The following NPHP4 variants were observed in gnomAD, a reference collection of about 807,000 sequenced individuals.
NPHP4 encodes the protein nephrocystin 4.
Under a neutral mutation model 155.8 loss-of-function variants are expected in NPHP4, and 151 were observed. The observed-to-expected ratio is 0.97, with a 90% confidence interval of 0.85 to 1.11. The LOEUF is 1.11. NPHP4 is among the 50% of genes least tolerant of loss of function. NPHP4 has a pLI of 0.00. For missense variants in NPHP4, 1,956 were observed against 1,925.7 expected (o/e 1.02, Z -0.29); for synonymous variants, 845 against 816.8 (o/e 1.03, Z -0.59).
rs183885357 is a variant in NPHP4, at chr1:5,875,036, C to T, written c.2882G>A (p.Arg961His). The change falls in exon 21 of 30, where the codon CGC (arginine) becomes CAC (histidine). Residue 961 changes from arginine to histidine, a missense_variant. Transcript: ENST00000378156. ...DLQVIAAYRE[R>H]TKAESIASLL... The stretch of plus-strand genomic sequence containing the variant: ...GCTGGCGATGCTCTCGGCCTTCGTG[C>T]GTTCCCGGTAGGCGGCGATGACCTG... 5,415 of 1,609,654 alleles carry T rather than the reference C, an allele frequency of 3.4e-3. 14 individuals carry two copies. Among genetic ancestry groups the T allele is most frequent in the Non-Finnish European group, 4.1e-3 (4,823 of 1,179,832 alleles).
At chr1:5,981,145 C>T (rs1280997341) in intron 2 of NPHP4, among the ~76,000 whole-genome samples, 1 of 152,176 alleles carries the variant, frequency 6.6e-6, no homozygotes, top group Non-Finnish European at 1.5e-5. Context: ...CCTGGGTTCC[C>T]CCAGCACCGC....
chr1:5,924,201 G>T (rs1200701554), intron 11 of NPHP4, among the ~76,000 whole-genome samples: 1 of 152,128 alleles, frequency 6.6e-6, no homozygotes, highest in Non-Finnish European at 1.5e-5. Context: ...ACAGCAAAAG[G>T]AGGTTATGAA....
chr1:5,922,903 C>T (rs1339647788), intron 11 of NPHP4, among the ~76,000 whole-genome samples: 2 of 152,130 alleles, frequency 1.3e-5, no homozygotes, highest in African/African-American at 2.4e-5. Context: ...GAGGCTGAGG[C>T]GGGTGGATTG....
rs1640987228 is a variant in NPHP4, at chr1:5,864,490, G to A, written c.3844C>T (p.Pro1282Ser). 2 of 1,591,912 alleles carry A rather than the reference G, an allele frequency of 1.3e-6. No individual in the cohort carries two copies. The highest frequency in any genetic ancestry group is 1.1e-5 in the South Asian group (1 of 88,326). The part of the protein sequence containing the change: ...KTDPKGVFVL[P>S]PRGVQDLHVG... Reference sequence around the variant, plus strand: ...TGCAGGTCCTGCACCCCACGAGGCGGCAGCACGAAGACACCTTTGGGGTCT... The same window carrying A: ...TGCAGGTCCTGCACCCCACGAGGCGACAGCACGAAGACACCTTTGGGGTCT... The change falls in exon 28 of 30, where the codon CCG becomes TCG. Residue 1282 changes from proline (P) to serine (S), a missense_variant. Pro to Ser is a moderately conservative substitution (Grantham distance 74). Transcript: ENST00000378156.
chr1:5,956,473 G>A (rs1649263196), intron 6 of NPHP4, among the ~76,000 whole-genome samples: 1 of 152,236 alleles, frequency 6.6e-6, no homozygotes, highest in Admixed American at 6.5e-5. Context: ...GAAACTTCCA[G>A]ATCCTGGAGG....
chr1:5,923,970 A>G (rs999328700), intron 11 of NPHP4, among the ~76,000 whole-genome samples: 6 of 152,244 alleles, frequency 3.9e-5, no homozygotes, highest in Admixed American at 3.9e-4. Flanking sequence ...ATATTAAAGT[A>G]GTTATAACTG....
intron 11 of NPHP4, among the ~76,000 whole-genome samples, chr1:5,922,385 CAT>C (rs1315676473): frequency 1.3e-5 from 2 of 152,202 alleles, no homozygotes; most frequent in African/African-American, 4.8e-5. Flanking sequence ...CAAGTTGTCA[CAT>C]ATCACACTTT....
At chr1:5,952,498 A>G (rs562485086) in intron 7 of NPHP4, among the ~76,000 whole-genome samples, 1 of 152,272 alleles carries the variant, frequency 6.6e-6, no homozygotes, top group African/African-American at 2.4e-5. Flanking sequence ...GGGAAAAGAC[A>G]GAACTACATC....
chr1:5,980,942 G>A (rs970672116), intron 2 of NPHP4, among the ~76,000 whole-genome samples: 5 of 151,908 alleles, frequency 3.3e-5, no homozygotes, highest in South Asian at 2.1e-4. Context: ...AGCTCCTCCC[G>A]CATCCAGACC....
chr1:5,904,893 G>C (rs956491423), intron 15 of NPHP4, 89 bp from the exon 16 acceptor site: 8 of 1,308,100 alleles, frequency 6.1e-6, no homozygotes, highest in Admixed American at 3.5e-5. Context: ...GGATGGTCCA[G>C]GCACCTTAGT....
intron 3 of NPHP4, 146 bp downstream of exon 3, chr1:5,978,124 A>G: frequency 1.4e-6 from 1 of 716,634 alleles, no homozygotes; most frequent in South Asian, 1.9e-5. Flanking sequence ...TTGCCGCTAG[A>G]CTAAGCTCTG....
chr1:5,934,504 C>T (rs1318344898), intron 9 of NPHP4, among the ~76,000 whole-genome samples: 3 of 152,118 alleles, frequency 2.0e-5, no homozygotes, highest in East Asian at 1.9e-4. Flanking sequence ...GAGCACAGTG[C>T]TCCACTTCCT....
intron 11 of NPHP4, among the ~76,000 whole-genome samples, chr1:5,924,368 A>C (rs1246812867): frequency 6.6e-6 from 1 of 152,058 alleles, no homozygotes; most frequent in Non-Finnish European, 1.5e-5. Context: ...GAAAACTATA[A>C]ATCTAGAGAT....
At chr1:5,979,260 AAAC>A (rs1654240811) in intron 2 of NPHP4, among the ~76,000 whole-genome samples, 3 of 152,292 alleles carry the variant, frequency 2.0e-5, no homozygotes, top group Admixed American at 6.5e-5. Context: ...GGCACTAGGG[AAAC>A]AACAAGGAAC....
intron 16 of NPHP4, among the ~76,000 whole-genome samples, chr1:5,900,633 C>CAT (rs1436085310): frequency 2.6e-5 from 4 of 152,088 alleles, no homozygotes; most frequent in Non-Finnish European, 4.4e-5. Context: ...TCCATGATGT[C>CAT]ATGTATTTGT....
intron 10 of NPHP4, among the ~76,000 whole-genome samples, chr1:5,929,478 T>C (rs1646170922): frequency 6.6e-6 from 1 of 152,234 alleles, no homozygotes. Context: ...TTTTCTTTTA[T>C]TGCTAGTTTG....
At position 5,910,601 on chromosome 1, in the gene NPHP4, C is replaced by T. The variant is rs1175170907; in HGVS notation, c.1442-1388G>A. 6.6e-6 allele frequency among the ~76,000 whole-genome samples: 1 copy of T among 152,228 alleles called. No individual in the cohort carries two copies. The highest frequency in any genetic ancestry group is 2.4e-5 in the African/African-American group (1 of 41,458). On this transcript the variant is annotated intron_variant, in intron 11 of 29. Transcript: ENST00000378156. This position sits in a 1 kb window ranked among gnomAD's most constrained non-coding sequence, Gnocchi z 5.4. ...ACGGACCAAGCACACAGCACAGAGG[C>T]CTGTGACGTCAAACGCTGGGCACTC...
At chr1:5,870,088 C>T (rs1005014180) in intron 23 of NPHP4, among the ~76,000 whole-genome samples, 3 of 152,228 alleles carry the variant, frequency 2.0e-5, no homozygotes, top group Non-Finnish European at 4.4e-5. Context: ...CCCAGTAGTA[C>T]TGAGTACATC....
rs1194170794 is a variant in NPHP4 at position 5,904,760 on chromosome 1, T to C, written c.2000A>G (p.Tyr667Cys). 2 of 1,613,920 alleles carry C rather than the reference T, an allele frequency of 1.2e-6. No individual in the cohort carries two copies. Among genetic ancestry groups the C allele is most frequent in the Admixed American group, 1.7e-5 (1 of 60,002 alleles). The change falls in exon 16 of 30, where the codon TAT becomes TGT. Residue 667 changes from tyrosine to cysteine, a missense_variant. Tyr to Cys is a radical substitution (Grantham distance 194). Coordinates refer to ENST00000378156, the MANE Select transcript of NPHP4 (RefSeq NM_015102.5). ...CRGTSWPKTV[Y>C]FTFQFYRFPP... ...GAAGCGGTAGAACTGGAAGGTGAAA[T>C]ACACAGTCTTTGGCCATGATGTTCC...
Sources: gnomAD v4.1 joint callset for allele counts (sites outside exome capture counted in the v4.1 genomes callset) on GRCh38, gnomAD v4.1.1 for gene constraint, Gnocchi (gnomAD v3.1) non-coding constraint, MANE v1.5 for transcripts, NCBI Gene and HGNC (gene_info 2026-07-23, HGNC 2026-07-21) for gene names.